NEO1: variants seen among roughly 807,000 people sequenced by gnomAD.
NEO1 encodes neogenin.
NEO1 carries 63 observed loss-of-function variants against 159.7 expected under a neutral mutation model. That is an observed-to-expected ratio of 0.39 (90% CI 0.32 to 0.49). The LOEUF (loss-of-function observed/expected upper bound fraction) is 0.49, where lower values mean the gene tolerates loss of function less well. NEO1 is among the 20% of genes least tolerant of loss of function. The probability of loss-of-function intolerance (pLI) is 0.85; values close to 1 mark genes in which losing one functional copy is unlikely to be tolerated. For missense variants in NEO1, 1,615 were observed against 1,831.0 expected (o/e 0.88, Z 2.15); for synonymous variants, 633 against 662.0 (o/e 0.96, Z 0.67).
chr15:73,301,520 T>G, intron 28 of NEO1, 63 bp downstream of exon 28: 1 of 1,607,580 alleles, frequency 6.2e-7, no homozygotes, highest in Non-Finnish European at 8.5e-7. Context: ...GGCCTGAGAC[T>G]GCTGGTCAAG....
At chr15:73,099,050 A>G (rs2070250088) in intron 1 of NEO1, among the ~76,000 whole-genome samples, 1 of 152,184 alleles carries the variant, frequency 6.6e-6, no homozygotes, top group Admixed American at 6.5e-5. Flanking sequence ...TTAATTCTAC[A>G]TCTGTATGAA....
intron 9 of NEO1, among the ~76,000 whole-genome samples, chr15:73,244,977 A>AAAAAAAAAAAAAAAC (rs1555458859): frequency 3.6e-5 from 4 of 112,050 alleles, no homozygotes; most frequent in Non-Finnish European, 8.0e-5. Flanking sequence ...AAAAAAAAAA[A>AAAAAAAAAAAAAAAC]AAAAAACAAC....
At chr15:73,283,592 C>T (rs2041820020) in intron 23 of NEO1, among the ~76,000 whole-genome samples, 1 of 152,196 alleles carries the variant, frequency 6.6e-6, no homozygotes, top group Non-Finnish European at 1.5e-5. Context: ...CTAGTATTAG[C>T]TATACCCAGC....
intron 5 of NEO1, among the ~76,000 whole-genome samples, chr15:73,170,189 TA>T (rs2034860276): frequency 6.6e-6 from 1 of 152,204 alleles, no homozygotes; most frequent in African/African-American, 2.4e-5. Flanking sequence ...GGATTTACTC[TA>T]AGGACACAAC....
intron 7 of NEO1, among the ~76,000 whole-genome samples, chr15:73,207,814 CATT>C (rs1355607696): frequency 2.6e-5 from 4 of 152,024 alleles, no homozygotes; most frequent in African/African-American, 4.8e-5. Flanking sequence ...CTTATTGGCT[CATT>C]ATAAATATTT....
At chr15:73,153,940 T>A (rs1381916823) in intron 5 of NEO1, among the ~76,000 whole-genome samples, 2 of 152,194 alleles carry the variant, frequency 1.3e-5, no homozygotes, top group African/African-American at 2.4e-5. Flanking sequence ...GCATTTTGAC[T>A]TGCCAAGAAA....
intron 8 of NEO1, among the ~76,000 whole-genome samples, chr15:73,240,658 A>T (rs1400548515): frequency 6.6e-6 from 1 of 152,246 alleles, no homozygotes; most frequent in African/African-American, 2.4e-5. Flanking sequence ...GAGAAAAAAT[A>T]GAGTCAGGGA....
chr15:73,164,832 T>A (rs1241471591), intron 5 of NEO1, among the ~76,000 whole-genome samples: 1 of 152,252 alleles, frequency 6.6e-6, no homozygotes, highest in Non-Finnish European at 1.5e-5. Context: ...ATTGACCTAC[T>A]ATGCTATATA....
chr15:73,163,907 G>T (rs906140564), intron 5 of NEO1, among the ~76,000 whole-genome samples: 1 of 152,100 alleles, frequency 6.6e-6, no homozygotes, highest in African/African-American at 2.4e-5. Flanking sequence ...AGATTTTCTT[G>T]AATATTCTGA....
intron 2 of NEO1, among the ~76,000 whole-genome samples, chr15:73,122,063 G>GTGTATATATATATATA (rs1290054672): frequency 7.9e-6 from 1 of 126,368 alleles, no homozygotes; most frequent in Non-Finnish European, 1.6e-5. Flanking sequence ...GTGTGTGTGT[G>GTGTATATATATATATA]TATATATATA....
At chr15:73,113,996 G>A (rs1444002981) in intron 1 of NEO1, among the ~76,000 whole-genome samples, 1 of 152,010 alleles carries the variant, frequency 6.6e-6, no homozygotes, top group Admixed American at 6.6e-5. Flanking sequence ...AGCAAGTTTG[G>A]GAACCTCTCT....
At chr15:73,177,031 A>T (rs1380501299) in intron 6 of NEO1, among the ~76,000 whole-genome samples, 1 of 152,222 alleles carries the variant, frequency 6.6e-6, no homozygotes, top group Admixed American at 6.5e-5. Context: ...TCGTATACCG[A>T]TGCCCAGACC....
chr15:73,175,409 T>TA (rs1164467797), intron 5 of NEO1, among the ~76,000 whole-genome samples: 1 of 152,212 alleles, frequency 6.6e-6, no homozygotes, highest in Non-Finnish European at 1.5e-5. Context: ...CTGAAATCTG[T>TA]AAAACATTTA....
At chr15:73,170,167 ATGT>A (rs1231031617) in intron 5 of NEO1, among the ~76,000 whole-genome samples, 3 of 152,150 alleles carry the variant, frequency 2.0e-5, no homozygotes, top group African/African-American at 7.2e-5. Context: ...TTGGACTATA[ATGT>A]ACCTAGTGGG....
In NEO1 at chr15:73,304,815, G is replaced by A. The variant is rs967714519; in HGVS notation, c.*2119G>A. ...TACTGCCACAGAATTGGGGCGGGTG[G>A]GGGAGGGGCCTATTTTTAAATAAAA... On this transcript the variant is annotated 3_prime_UTR_variant, in exon 29 of 29. Transcript: ENST00000261908. 6.6e-6 allele frequency: 1 copy of A among 152,166 alleles called. No homozygotes were observed. Among genetic ancestry groups the A allele is most frequent in the Admixed American group, 6.5e-5 (1 of 15,276 alleles). The allele number at this position is 152,166 out of a possible 1,614,324, so 9.4% of individuals were successfully genotyped here.
chr15:73,230,754 A>G (rs1050177989), intron 7 of NEO1, among the ~76,000 whole-genome samples: 8 of 151,946 alleles, frequency 5.3e-5, no homozygotes, highest in African/African-American at 1.7e-4. Flanking sequence ...GCATGCCTGG[A>G]TAATTCTTTG....
intron 7 of NEO1, among the ~76,000 whole-genome samples, chr15:73,205,228 T>C (rs866923252): frequency 2.6e-5 from 4 of 152,332 alleles, no homozygotes; most frequent in Admixed American, 1.3e-4. Context: ...TTCTTCCCCC[T>C]GTTCCCTATT....
chr15:73,265,562 T>C (rs2660825), intron 15 of NEO1, among the ~76,000 whole-genome samples: 128,690 of 152,178 alleles, frequency 0.85, 55,900 homozygotes, highest in Non-Finnish European at 0.94. Context: ...ACATGTGTAT[T>C]ATGGTTGCTC....
intron 5 of NEO1, among the ~76,000 whole-genome samples, chr15:73,153,104 T>C (rs2033508997): frequency 6.6e-6 from 1 of 152,172 alleles, no homozygotes; most frequent in Non-Finnish European, 1.5e-5. Context: ...CCAGGAGTGC[T>C]GAGGGTAGGA....
Sources: gnomAD v4.1 joint callset for allele counts (sites outside exome capture counted in the v4.1 genomes callset) on GRCh38, gnomAD v4.1.1 for gene constraint, MANE v1.5 for transcripts, NCBI Gene and HGNC (gene_info 2026-07-23, HGNC 2026-07-21) for gene names.